DNAH14: variants seen among roughly 807,000 people sequenced by gnomAD.
DNAH14 encodes the protein dynein axonemal heavy chain 14, also known as axonemal beta dynein heavy chain 14.
In DNAH14, 478 loss-of-function variants were observed where a neutral mutation model predicts 520.9. The ratio of observed to expected loss-of-function variants is 0.92; its 90% CI spans 0.85 to 0.99. DNAH14 has a LOEUF of 0.99. DNAH14 is among the 50% of genes least tolerant of loss of function. The pLI, the probability that DNAH14 is intolerant of heterozygous loss-of-function variation, is 0.00. For synonymous variants in DNAH14, 1,581 were observed against 1,757.2 expected (o/e 0.90, Z 2.51); for missense variants, 4,831 against 5,234.5 (o/e 0.92, Z 2.38).
At chr1:224,945,198 A>AT (rs908619654) in intron 1 of DNAH14, among the ~76,000 whole-genome samples, 12 of 150,014 alleles carry the variant, frequency 8.0e-5, no homozygotes, top group East Asian at 2.0e-4. Context: ...ATTTCTTTTT[A>AT]TTTTTTTTTC....
intron 8 of DNAH14, among the ~76,000 whole-genome samples, chr1:224,979,554 T>C (rs2062110950): frequency 6.6e-6 from 1 of 152,114 alleles, no homozygotes; most frequent in African/African-American, 2.4e-5. Context: ...TGAAAGGCAG[T>C]ATAGGCCACA....
chr1:225,068,481 G>A (rs866716556), intron 17 of DNAH14, among the ~76,000 whole-genome samples: 30 of 152,156 alleles, frequency 2.0e-4, no homozygotes, highest in Admixed American at 1.1e-3. Flanking sequence ...CTAGTTCTGT[G>A]AAGAATGTCA....
chr1:225,050,448 A>G, intron 16 of DNAH14, 72 bp downstream of exon 16: 1 of 1,422,066 alleles, frequency 7.0e-7, no homozygotes, highest in South Asian at 1.5e-5. Context: ...AAATGAAATG[A>G]ATTTATTGAA....
chr1:225,335,645 GTA>G (rs1267755465), intron 66 of DNAH14, among the ~76,000 whole-genome samples: 1 of 129,442 alleles, frequency 7.7e-6, no homozygotes, highest in Non-Finnish European at 1.6e-5. Context: ...GTGCATATAT[GTA>G]TATACGCATA....
chr1:225,262,190 G>T (rs923383352), intron 46 of DNAH14, among the ~76,000 whole-genome samples: 10 of 148,000 alleles, frequency 6.8e-5, no homozygotes, highest in East Asian at 2.0e-4. Context: ...CTTTTAATGG[G>T]TTTTTTTTTT....
At chr1:224,959,235 A>G (rs1381802802) in intron 3 of DNAH14, among the ~76,000 whole-genome samples, 1 of 152,072 alleles carries the variant, frequency 6.6e-6, no homozygotes, top group Non-Finnish European at 1.5e-5. Flanking sequence ...TCTCCTGAAC[A>G]GTCCTCTTGT....
chr1:225,318,772 T>G (rs1040047911), intron 61 of DNAH14, 95 bp downstream of exon 61: 1 of 1,131,742 alleles, frequency 8.8e-7, no homozygotes, highest in Non-Finnish European at 1.2e-6. Flanking sequence ...GCCTATATAC[T>G]AAGCCTATAT....
rs976987974 is a variant in DNAH14 at position 225,192,769 on chromosome 1, G to A, written c.5744G>A (p.Gly1915Glu). The stretch of plus-strand genomic sequence containing the variant: ...TGTGTCACTCTCAGTGAACTATATG[G>A]ACAACTGGATCCTAATACTATGGAA... ...PKCVTLSELYGQLDPNTMEWT... is the reference protein window; with the variant it reads ...PKCVTLSELYEQLDPNTMEWT... Residue 1915 changes from glycine (G) to glutamate (E), a missense_variant, in exon 38 of 86, where the codon GGA becomes GAA. By Grantham distance (98) the Gly-to-Glu change is moderately conservative. Transcript: ENST00000682510. The A allele has an allele frequency of 6.5e-7, 1 of 1,550,166 alleles. No homozygotes were observed. The highest frequency in any genetic ancestry group is 2.0e-5 in the Admixed American group (1 of 50,944).
intron 10 of DNAH14, among the ~76,000 whole-genome samples, chr1:225,010,014 C>T (rs1204252227): frequency 2.0e-5 from 3 of 152,158 alleles, no homozygotes; most frequent in African/African-American, 7.2e-5. Flanking sequence ...ATGGGGTTTT[C>T]TAAATATACG....
chr1:225,172,217 C>T (rs1257459775), intron 36 of DNAH14, among the ~76,000 whole-genome samples: 1 of 152,172 alleles, frequency 6.6e-6, no homozygotes, highest in African/African-American at 2.4e-5. Flanking sequence ...CAGGGATGCC[C>T]TCTCTCACCA....
intron 57 of DNAH14, 39 bp downstream of exon 57, chr1:225,303,386 C>T (rs2094176569): frequency 6.6e-7 from 1 of 1,517,202 alleles, no homozygotes; most frequent in Admixed American, 2.1e-5. Flanking sequence ...AGTTTATTGA[C>T]AGCATCTGAT....
rs546771215 is a variant in DNAH14 at position 225,046,684 on chromosome 1, G to A, written c.1912+2701G>A. On this transcript the variant is annotated intron_variant, in intron 15 of 85. Coordinates refer to ENST00000682510, the MANE Select transcript of DNAH14 (RefSeq NM_001367479.1). ...AACTTATGTACCAGTATTATACTGT[G>A]TTAGTTATTAGGTAGCTTTGTACTA... Among the ~76,000 whole-genome samples, 16 of 152,232 alleles carry A rather than the reference G, an allele frequency of 1.1e-4. No homozygotes were observed. The South Asian group carries it at 2.9e-3, about 28-fold the overall frequency.
At chr1:225,282,369 C>A (rs2149928602) in intron 54 of DNAH14, among the ~76,000 whole-genome samples, 1 of 152,310 alleles carries the variant, frequency 6.6e-6, no homozygotes, top group Admixed American at 6.5e-5. Flanking sequence ...TTAAGGGAAT[C>A]TTTAGCTTCT....
intron 54 of DNAH14, among the ~76,000 whole-genome samples, chr1:225,279,165 C>G (rs1383081038): frequency 6.6e-6 from 1 of 152,064 alleles, no homozygotes; most frequent in Non-Finnish European, 1.5e-5. Flanking sequence ...GCCACCACAC[C>G]CACCTAATAT....
rs111370167 is a variant in DNAH14 at position 225,136,511 on chromosome 1, A to G, written c.4255-4257A>G. On this transcript the variant is annotated intron_variant, in intron 27 of 85. Transcript: ENST00000682510. ...TCTCTTCTGGCTTTCAGGGTTTCCA[A>G]TGAGAGGTCCACTATTAGTCTGATG... Among the ~76,000 whole-genome samples, 419 of 152,244 alleles carry G rather than the reference A, an allele frequency of 2.8e-3. 3 individuals are homozygous for G. The highest frequency in any genetic ancestry group is 9.4e-3 in the African/African-American group (390 of 41,562).
At position 225,117,676 on chromosome 1, in the gene DNAH14, C is replaced by T. The variant is rs948146079; in HGVS notation, c.3868-8C>T. The T allele has an allele frequency of 1.3e-6, 2 of 1,494,216 alleles. No individual in the cohort carries two copies. Among genetic ancestry groups the T allele is most frequent in the South Asian group, 2.5e-5 (2 of 81,278 alleles). The allele number at this position is 1,494,216 out of a possible 1,614,324, so 92.6% of individuals were successfully genotyped here. A position where few individuals can be genotyped will look rare whatever the true frequency, so the allele number is the denominator to read the frequency against. ...ATTCTGAATTGCATTTCTTTTGATT[C>T]TGGACAGGATTACCTTGAAGTTAAA... On this transcript the variant is annotated splice_region_variant and splice_polypyrimidine_tract_variant and intron_variant, in intron 23 of 85. Transcript: ENST00000682510.
chr1:225,003,646 G>A (rs936346054), intron 9 of DNAH14, among the ~76,000 whole-genome samples: 2 of 152,014 alleles, frequency 1.3e-5, no homozygotes, highest in African/African-American at 4.8e-5. Flanking sequence ...CATAGTAGGT[G>A]CTCACCAATA....
chr1:225,145,573 C>T (rs781486537), intron 30 of DNAH14, among the ~76,000 whole-genome samples, 194 bp downstream of exon 30: 19 of 152,060 alleles, frequency 1.2e-4, no homozygotes, highest in Non-Finnish European at 5.9e-5. Flanking sequence ...TAAACATATA[C>T]GATGCTTTTA....
rs1317448087 is a variant in DNAH14, at chr1:225,360,827, G to T, written c.11923G>T (p.Val3975Phe). ...LKALTKTQQWVFLQNCHLATS... is the reference protein window; with the variant it reads ...LKALTKTQQWFFLQNCHLATS... ...GGCACTAACAAAAACACAACAATGG[G>T]TCTTCCTCCAGAACTGCCATCTTGC... Residue 3975 changes from valine (V) to phenylalanine (F), a missense_variant, in exon 75 of 86, where the codon GTC becomes TTC. Physicochemically the swap from Val to Phe is conservative, Grantham distance 50. Transcript: ENST00000682510. The T allele has an allele frequency of 6.4e-7, 1 of 1,551,548 alleles. No homozygotes were observed. Among genetic ancestry groups the T allele is most frequent in the South Asian group, 1.2e-5 (1 of 84,060 alleles).
Sources: allele counts gnomAD v4.1 joint callset (sites outside exome capture counted in the v4.1 genomes callset), GRCh38; gene constraint gnomAD v4.1.1; transcripts MANE v1.5; gene names NCBI Gene and HGNC (gene_info 2026-07-23, HGNC 2026-07-21).